Variants in HDAC9 observed in about 807,000 individuals in gnomAD.
HDAC9 encodes histone deacetylase 9.
HDAC9 carries 41 observed loss-of-function variants against 139.4 expected under a neutral mutation model. The observed-to-expected ratio is 0.29, with a 90% confidence interval of 0.23 to 0.38. The LOEUF (loss-of-function observed/expected upper bound fraction) is 0.38, where lower values mean the gene tolerates loss of function less well. Among genes scored for constraint, HDAC9 ranks in the 10% least tolerant of loss-of-function variants. The pLI, the probability that HDAC9 is intolerant of heterozygous loss-of-function variation, is 1.00. For missense variants in HDAC9, 1,147 were observed against 1,297.0 expected, an observed-to-expected ratio of 0.88 and a Z score of 1.78; for synonymous variants, 517 against 476.2, an observed-to-expected ratio of 1.09 and a Z score of -1.12.
intron 1 of HDAC9, among the ~76,000 whole-genome samples, chr7:18,294,760 A>AT (rs1285490148): frequency 3.9e-5 from 6 of 152,280 alleles, no homozygotes; most frequent in African/African-American, 1.4e-4. Context: ...TGGAGAATAG[A>AT]TTCGTGAAGA....
chr7:18,376,892 C>T (rs376820471), intron 1 of HDAC9, among the ~76,000 whole-genome samples: 1 of 152,066 alleles, frequency 6.6e-6, no homozygotes, highest in East Asian at 1.9e-4. Flanking sequence ...AGCAGCGTAA[C>T]TTAGGTGCTA....
At chr7:18,936,325 G>C (rs1355974458) in intron 23 of HDAC9, among the ~76,000 whole-genome samples, 1 of 152,092 alleles carries the variant, frequency 6.6e-6, no homozygotes, top group Non-Finnish European at 1.5e-5. Flanking sequence ...AACTATTTTT[G>C]TCACCATTTA....
Position 18,190,308 on chromosome 7 carries a change from T to C in HDAC9, c.25+27959T>C, listed in dbSNP as rs181904986. Among the ~76,000 whole-genome samples the C allele has an allele frequency of 2.0e-5, 3 of 152,316 alleles. No homozygotes were observed. In the East Asian group the frequency reaches 5.8e-4, roughly 29 times the overall value. ...TTGGGCATGTATACATAGATACATA[T>C]ACATATATAAATGTATATAAATAAA... On this transcript the variant is annotated intron_variant, in intron 2 of 12. Transcript: ENST00000417496.
At chr7:18,711,880 G>T (rs1584894276) in intron 12 of HDAC9, among the ~76,000 whole-genome samples, 2 of 151,940 alleles carry the variant, frequency 1.3e-5, no homozygotes, top group African/African-American at 4.8e-5. Flanking sequence ...TTTGTTCGGG[G>T]CTGTCCATTC....
chr7:18,287,143 T>C (rs2128222728), upstream of HDAC9, among the ~76,000 whole-genome samples: 1 of 152,336 alleles, frequency 6.6e-6, no homozygotes, highest in South Asian at 2.1e-4. Flanking sequence ...TGAGTGTATT[T>C]AAAGAGCTTT....
Position 18,165,865 on chromosome 7 carries a change from G to A in HDAC9, c.25+3516G>A, listed in dbSNP as rs560331909. On this transcript the variant is annotated intron_variant, in intron 2 of 12. Coordinates refer to the HDAC9 transcript ENST00000417496. ...AACCTAGAGAAGGCAATAATTTGAG[G>A]GGAACATTCTAGTGGCTTTGCGTCT... Among the ~76,000 whole-genome samples, 12 of 152,112 alleles carry A rather than the reference G, an allele frequency of 7.9e-5. No individual in the cohort carries two copies. In the South Asian group the frequency reaches 2.3e-3, roughly 29 times the overall value.
At chr7:18,291,269 G>A (rs1055708477) in intron 1 of HDAC9, among the ~76,000 whole-genome samples, 6 of 152,142 alleles carry the variant, frequency 3.9e-5, no homozygotes, top group African/African-American at 1.4e-4. Context: ...TCCACTGGTT[G>A]TTTTACCAGT....
chr7:18,646,973 TG>T (rs760586839), intron 9 of HDAC9, among the ~76,000 whole-genome samples: 49 of 152,180 alleles, frequency 3.2e-4, no homozygotes, highest in Admixed American at 5.2e-4. Flanking sequence ...ATCAAATTTC[TG>T]CATATTTTTA....
intron 1 of HDAC9, among the ~76,000 whole-genome samples, chr7:18,481,814 G>C (rs748006305): frequency 6.6e-6 from 1 of 152,174 alleles, no homozygotes; most frequent in African/African-American, 2.4e-5. Flanking sequence ...GTCCAGGCTA[G>C]ATTACTTGCC....
chr7:18,299,613 A>T (rs574019401), intron 1 of HDAC9, among the ~76,000 whole-genome samples: 141 of 152,282 alleles, frequency 9.3e-4, no homozygotes, highest in Admixed American at 2.8e-3. Context: ...GGTTTAGTTC[A>T]CCTTGAGAGG....
At chr7:18,245,278 G>T (rs533192480) in intron 2 of HDAC9, among the ~76,000 whole-genome samples, 2 of 152,120 alleles carry the variant, frequency 1.3e-5, no homozygotes, top group Non-Finnish European at 2.9e-5. Context: ...TTGTGGTATC[G>T]TCACATCAGA....
intron 1 of HDAC9, among the ~76,000 whole-genome samples, chr7:18,438,083 TAATA>T (rs901767342): frequency 5.3e-5 from 8 of 150,240 alleles, no homozygotes; most frequent in African/African-American, 1.7e-4. Context: ...TTTATATATA[TAATA>T]AATTTATTAG....
At chr7:18,811,639 G>A (rs910046612) in intron 17 of HDAC9, among the ~76,000 whole-genome samples, 1 of 151,508 alleles carries the variant, frequency 6.6e-6, no homozygotes, top group African/African-American at 2.4e-5. Context: ...ATTTATAATG[G>A]TATAATTTTT....
intron 24 of HDAC9, among the ~76,000 whole-genome samples, chr7:18,967,680 T>C (rs946177632): frequency 9.9e-5 from 15 of 152,200 alleles, no homozygotes; most frequent in Admixed American, 3.3e-4. Flanking sequence ...ACACAATTTT[T>C]ATAAATAGCT....
intron 24 of HDAC9, among the ~76,000 whole-genome samples, chr7:18,958,537 C>A (rs979983320): frequency 6.6e-5 from 10 of 152,124 alleles, no homozygotes; most frequent in African/African-American, 2.2e-4. Context: ...TTCAGACCTA[C>A]AAAAGGAAAT....
intron 12 of HDAC9, among the ~76,000 whole-genome samples, chr7:18,718,872 T>C (rs1297325139): frequency 3.9e-5 from 6 of 152,206 alleles, no homozygotes; most frequent in African/African-American, 1.2e-4. Flanking sequence ...GGCTGCATCA[T>C]TTTACACCCC....
chr7:18,618,731 T>C (rs1259516487), intron 6 of HDAC9, among the ~76,000 whole-genome samples: 52 of 17,796 alleles, frequency 2.9e-3, no homozygotes, highest in Middle Eastern at 0.062. Context: ...ATTTTGTATA[T>C]ATATATATAT....
intron 25 of HDAC9, among the ~76,000 whole-genome samples, chr7:18,987,499 G>C (rs1156345721): frequency 6.6e-6 from 1 of 152,224 alleles, no homozygotes; most frequent in Non-Finnish European, 1.5e-5. Flanking sequence ...TTGCATCAAT[G>C]TTCATCAAGG....
chr7:18,878,705 T>TCAA (rs1799504933), intron 22 of HDAC9, among the ~76,000 whole-genome samples: 2 of 151,556 alleles, frequency 1.3e-5, no homozygotes, highest in African/African-American at 4.9e-5. Flanking sequence ...GCCAACATTA[T>TCAA]ACTGAATGGG....
Sources: allele counts gnomAD v4.1 joint callset (sites outside exome capture counted in the v4.1 genomes callset), GRCh38; gene constraint gnomAD v4.1.1; transcripts MANE v1.5; gene names NCBI Gene and HGNC (gene_info 2026-07-23, HGNC 2026-07-21).